NUDT4: variants seen among roughly 807,000 people sequenced by gnomAD.
NUDT4 encodes the protein nudix hydrolase 4.
In NUDT4, 5 loss-of-function variants were observed where a neutral mutation model predicts 23.1. The observed-to-expected ratio is 0.22, with a 90% CI of 0.11 to 0.46. The LOEUF is 0.46. Ranked by LOEUF, NUDT4 falls within the 20% of genes least tolerant of loss-of-function variation. NUDT4 has a pLI of 0.99. For synonymous variants in NUDT4, 50 were observed against 79.0 expected (o/e 0.63, Z 1.95); for missense variants, 96 against 211.6 (o/e 0.45, Z 3.39).
rs1258651606 is a variant in NUDT4 at position 93,406,763 on chromosome 12, T to C, written c.*7384T>C. On this transcript the variant is annotated 3_prime_UTR_variant, in exon 5 of 5. Coordinates refer to ENST00000415493, the MANE Select transcript of NUDT4 (RefSeq NM_019094.6). ...AGGATTTGTGTAGATTGTATGCATA[T>C]ACAACATCATTTTATTCCAGAGACT... is the stretch of plus-strand genomic sequence containing the variant. 6.6e-6 allele frequency: 1 copy of C among 152,044 alleles called. No individual in the cohort carries two copies. Among genetic ancestry groups the C allele is most frequent in the Non-Finnish European group, 1.5e-5 (1 of 68,004 alleles). 9.4% of individuals were successfully genotyped at this position (152,044 alleles called of 1,614,324 possible). A position where few individuals can be genotyped will look rare whatever the true frequency, so the allele number is the denominator to read the frequency against.
At chr12:93,378,673 C>T (rs1875394207) in intron 1 of NUDT4, 4 of 1,174,844 alleles carry the variant, frequency 3.4e-6, no homozygotes, top group Non-Finnish European at 4.2e-6. Context: ...GCGCCTGGTC[C>T]CCGGGAAGGT....
At chr12:93,398,514 C>CA (rs1175557675) in intron 3 of NUDT4, among the ~76,000 whole-genome samples, 1 of 151,990 alleles carries the variant, frequency 6.6e-6, no homozygotes, top group Non-Finnish European at 1.5e-5. Flanking sequence ...CAGACTTCTA[C>CA]AAAAAAAGTA....
At chr12:93,392,093 A>G (rs951122768) in intron 1 of NUDT4, among the ~76,000 whole-genome samples, 1 of 151,918 alleles carries the variant, frequency 6.6e-6, no homozygotes, top group African/African-American at 2.4e-5. Context: ...CATGTTGGCC[A>G]GGTTGGTCTT....
chr12:93,399,829 T>C lies in NUDT4; in HGVS notation c.*450T>C, dbSNP rs1381225166. ...ATATTATTGGTATTAAAGAAATCCA[T>C]TCACCCCAAAACTTGTTTTACAGGA... On this transcript the variant is annotated 3_prime_UTR_variant, in exon 5 of 5. Coordinates refer to ENST00000415493, the MANE Select transcript of NUDT4 (RefSeq NM_019094.6). 6.3e-6 allele frequency: 1 copy of C among 158,482 alleles called. No individual in the cohort carries two copies. Among genetic ancestry groups the C allele is most frequent in the Non-Finnish European group, 1.4e-5 (1 of 71,840 alleles). 9.8% of individuals were successfully genotyped at this position (158,482 alleles called of 1,614,324 possible).
At chr12:93,385,790 A>G (rs1333367713) in intron 1 of NUDT4, among the ~76,000 whole-genome samples, 1 of 151,808 alleles carries the variant, frequency 6.6e-6, no homozygotes, top group Non-Finnish European at 1.5e-5. Context: ...TATTATTGCA[A>G]GAAAAGCAAC....
intron 1 of NUDT4, among the ~76,000 whole-genome samples, chr12:93,391,710 GTGGATGT>G (rs1876519692): frequency 6.6e-6 from 1 of 152,040 alleles, no homozygotes. Context: ...GCACTCCAAC[GTGGATGT>G]CCAAGTGAGA....
intron 1 of NUDT4, among the ~76,000 whole-genome samples, chr12:93,386,147 T>C (rs1280472259): frequency 1.3e-5 from 2 of 151,744 alleles, no homozygotes; most frequent in East Asian, 3.9e-4. Context: ...GGCTAATTTA[T>C]TGAGTTTTTT....
intron 1 of NUDT4, among the ~76,000 whole-genome samples, chr12:93,388,385 G>A (rs547477889): frequency 7.2e-5 from 11 of 152,190 alleles, no homozygotes; most frequent in Non-Finnish European, 1.5e-4. Context: ...AAGAATATAA[G>A]CTCTTTGAGG....
rs1429959371 is a variant in NUDT4 at position 93,398,324 on chromosome 12, G to A, written c.256-447G>A. Among the ~76,000 whole-genome samples, 31 of 130,712 alleles carry A rather than the reference G, an allele frequency of 2.4e-4. 1 individual carries two copies. The highest frequency in any genetic ancestry group is 3.2e-4 in the African/African-American group (11 of 34,608). 85.8% of individuals were successfully genotyped at this position (130,712 alleles called of 152,430 possible). A position where few individuals can be genotyped will look rare whatever the true frequency, so the allele number is the denominator to read the frequency against. Reference sequence around the variant, plus strand: ...CCACTGTACTCCTGGGCAACAAAGCGAGACTCCCTGTCTCAAAAAAAAAAA... The same window carrying A: ...CCACTGTACTCCTGGGCAACAAAGCAAGACTCCCTGTCTCAAAAAAAAAAA... On this transcript the variant is annotated intron_variant, in intron 3 of 4. Coordinates refer to ENST00000415493, the MANE Select transcript of NUDT4 (RefSeq NM_019094.6).
At position 93,391,868 on chromosome 12, in the gene NUDT4, A is replaced by G. The variant is rs143224582; in HGVS notation, c.100-2741A>G. On this transcript the variant is annotated intron_variant, in intron 1 of 4. Coordinates refer to ENST00000415493, the MANE Select transcript of NUDT4 (RefSeq NM_019094.6). ...ATAATTTTGTGGACACTTTTGTTCA[A>G]ATTGACTTATTTATTTTTATTTTTT... Among the ~76,000 whole-genome samples the G allele has an allele frequency of 2.0e-4, 31 of 152,172 alleles. No individual in the cohort carries two copies. In the East Asian group the frequency reaches 5.6e-3, roughly 27 times the overall value.
chr12:93,385,942 TATA>T (rs1320571559), intron 1 of NUDT4, among the ~76,000 whole-genome samples: 2 of 37,742 alleles, frequency 5.3e-5, no homozygotes, highest in South Asian at 6.3e-4. Flanking sequence ...TAAATCTTTT[TATA>T]TATATATATA....
At chr12:93,385,970 T>TATATATATATATATATATATAC (rs1243696865) in intron 1 of NUDT4, among the ~76,000 whole-genome samples, 89 of 118,540 alleles carry the variant, frequency 7.5e-4, no homozygotes, top group Admixed American at 9.3e-4. Flanking sequence ...TATATATATA[T>TATATATATATATATATATATAC]ACATAATTTT....
chr12:93,391,393 C>G (rs978104961), intron 1 of NUDT4, among the ~76,000 whole-genome samples: 1 of 151,768 alleles, frequency 6.6e-6, no homozygotes, highest in African/African-American at 2.4e-5. Context: ...GGCGAAACCC[C>G]ATCTCTACTC....
intron 1 of NUDT4, among the ~76,000 whole-genome samples, chr12:93,393,692 T>C (rs1876720602): frequency 6.6e-6 from 1 of 152,226 alleles, no homozygotes; most frequent in Non-Finnish European, 1.5e-5. Context: ...AGTCCTGTTC[T>C]AGATCATAAA....
At chr12:93,396,004 C>G (rs1311541449) in intron 3 of NUDT4, among the ~76,000 whole-genome samples, 2 of 152,336 alleles carry the variant, frequency 1.3e-5, no homozygotes, top group Admixed American at 6.5e-5. Flanking sequence ...CAGGCGTGAG[C>G]CACTGTGCCC....
intron 1 of NUDT4, among the ~76,000 whole-genome samples, chr12:93,380,602 TCTC>T (rs368277133): frequency 5.9e-5 from 9 of 152,176 alleles, no homozygotes; most frequent in African/African-American, 1.9e-4. Context: ...ACTCTAGAAT[TCTC>T]CTTAAGTGAA....
chr12:93,388,554 C>G (rs1876264938), intron 1 of NUDT4, among the ~76,000 whole-genome samples: 1 of 152,196 alleles, frequency 6.6e-6, no homozygotes, highest in South Asian at 2.1e-4. Flanking sequence ...AGGAGTCAGT[C>G]TGTTCTCTGT....
rs1876370885 is a variant in NUDT4, at chr12:93,389,983, C to T, written c.100-4626C>T. 4.6e-5 allele frequency among the ~76,000 whole-genome samples: 7 copies of T among 152,154 alleles called. No homozygotes were observed. In the South Asian group the frequency reaches 1.5e-3, roughly 32 times the overall value. ...CTAATGGTTTTTCAACATTATTAAT[C>T]TCCTGTAATTTAGCTCTGTCTTGGA... is the stretch of plus-strand genomic sequence containing the variant. On this transcript the variant is annotated intron_variant, in intron 1 of 4. Transcript: ENST00000415493.
At chr12:93,395,638 C>CT in intron 3 of NUDT4, 105 bp downstream of exon 3, 1 of 888,318 alleles carries the variant, frequency 1.1e-6, no homozygotes, top group Non-Finnish European at 1.9e-6. Flanking sequence ...TTCTCTCAGA[C>CT]TAGCAGTAGG....
Sources: allele counts gnomAD v4.1 joint callset (sites outside exome capture counted in the v4.1 genomes callset), GRCh38; gene constraint gnomAD v4.1.1; transcripts MANE v1.5; gene names NCBI Gene and HGNC (gene_info 2026-07-23, HGNC 2026-07-21).